The following FRMD7 variants were observed in gnomAD, a reference collection of about 807,000 sequenced individuals.
FRMD7 encodes FERM domain-containing protein 7.
FRMD7 carries 14 observed loss-of-function variants against 44.1 expected under a neutral mutation model. That is an observed-to-expected ratio of 0.32 (90% CI 0.21 to 0.50). The LOEUF (loss-of-function observed/expected upper bound fraction) is 0.50, where lower values mean the gene tolerates loss of function less well. FRMD7 is among the 20% of genes least tolerant of loss of function. The pLI is 0.99. For synonymous variants in FRMD7, 212 were observed against 187.4 expected, an observed-to-expected ratio of 1.13 and a Z score of -1.07; for missense variants, 501 against 522.3, an observed-to-expected ratio of 0.96 and a Z score of 0.40.
intron 1 of FRMD7, among the ~76,000 whole-genome samples, chrX:132,104,357 T>A (rs1928588192): frequency 9.0e-6 from 1 of 111,673 alleles, no homozygotes; most frequent in African/African-American, 3.3e-5. Flanking sequence ...AACTTCCACT[T>A]AATAATGTGC....
At chrX:132,086,673 AAC>A (rs890047200) in intron 5 of FRMD7, among the ~76,000 whole-genome samples, 3 of 110,253 alleles carry the variant, frequency 2.7e-5, no homozygotes, top group African/African-American at 1.0e-4. Context: ...AAAAAAAAAA[AAC>A]AACTGCTGAC....
chrX:132,118,424 G>GA (rs1156769171), intron 1 of FRMD7, among the ~76,000 whole-genome samples: 112 of 102,212 alleles, frequency 1.1e-3, no homozygotes, highest in African/African-American at 1.5e-3. Context: ...AGGGAAAAAA[G>GA]AAAAAAAAAA....
In FRMD7 at chrX:132,078,542, G is replaced by A. The variant is rs1927696787; in HGVS notation, c.1475C>T (p.Pro492Leu). ...GTCCACATAAAAAAAGACCTGGGGA[G>A]GCATAATACCAACCTGCTGACCTGT... is the stretch of plus-strand genomic sequence containing the variant. ...PCTGQQVGIM[P>L]PQVFFYVDKP... is the part of the protein sequence containing the mutation. Residue 492 changes from proline (P) to leucine (L), a missense_variant, in exon 12 of 12, where the codon CCT (proline) becomes CTT (leucine). Physicochemically the swap from Pro to Leu is moderately conservative, Grantham distance 98. Transcript: ENST00000298542. 4.1e-6 allele frequency: 5 copies of A among 1,209,613 alleles called. No homozygotes were observed. The highest frequency in any genetic ancestry group is 3.5e-5 in the African/African-American group (2 of 57,085).
chrX:132,083,638 C>T (rs1171448614), intron 8 of FRMD7, among the ~76,000 whole-genome samples: 1 of 112,158 alleles, frequency 8.9e-6, no homozygotes, highest in East Asian at 2.8e-4. Flanking sequence ...TTAGTTGATA[C>T]ACACTTTTTA....
intron 1 of FRMD7, among the ~76,000 whole-genome samples, chrX:132,122,573 T>G (rs1929061927): frequency 8.9e-6 from 1 of 112,169 alleles, no homozygotes. Context: ...CAAATGGTTC[T>G]AGAAATTCTA....
intron 4 of FRMD7, among the ~76,000 whole-genome samples, chrX:132,095,897 A>G (rs1226024549): frequency 1.8e-5 from 2 of 112,883 alleles, no homozygotes; most frequent in Admixed American, 1.9e-4. Context: ...CATGAAAGAA[A>G]GGGAACTTCT....
intron 1 of FRMD7, among the ~76,000 whole-genome samples, chrX:132,103,391 C>T (rs1345867712): frequency 1.8e-5 from 2 of 111,197 alleles, no homozygotes; most frequent in African/African-American, 3.3e-5. Flanking sequence ...AGCTCCTTAG[C>T]AGATCTAAAT....
chrX:132,077,984 C>T lies in FRMD7; in HGVS notation c.2033G>A (p.Arg678His), dbSNP rs755557174. 54 of 1,208,508 alleles carry T rather than the reference C, an allele frequency of 4.5e-5. No individual in the cohort carries two copies. Among genetic ancestry groups the T allele is most frequent in the Non-Finnish European group, 5.8e-5 (52 of 894,058 alleles). Residue 678 changes from arginine (R) to histidine (H), a missense_variant, in exon 12 of 12, where the codon CGC becomes CAC. Transcript: ENST00000298542. ...KEIRSPMARI[R>H]LSSGSLQLDE... is the part of the protein sequence containing the mutation. ...TAACTGTAGACTACCAGAAGACAGG[C>T]GGATTCTGGCCATGGGTGACCTTAT... is the stretch of plus-strand genomic sequence containing the variant.
chrX:132,110,733 C>A (rs756702579), intron 1 of FRMD7, among the ~76,000 whole-genome samples: 2 of 112,295 alleles, frequency 1.8e-5, no homozygotes, highest in Non-Finnish European at 3.8e-5. Context: ...CATTCCTCAC[C>A]AATGTGTGCA....
chrX:132,115,922 A>C (rs1424079931), intron 1 of FRMD7, among the ~76,000 whole-genome samples: 1 of 110,433 alleles, frequency 9.1e-6, no homozygotes, highest in African/African-American at 3.3e-5. Context: ...ACTTTGGGGA[A>C]GTCTGAGGCA....
chrX:132,092,348 T>C (rs949097720), intron 5 of FRMD7, among the ~76,000 whole-genome samples: 1 of 108,440 alleles, frequency 9.2e-6, no homozygotes, highest in Non-Finnish European at 1.9e-5. Flanking sequence ...ATTAGATGAA[T>C]GGAAAATTAG....
intron 5 of FRMD7, among the ~76,000 whole-genome samples, chrX:132,087,741 T>C (rs968487923): frequency 1.1e-4 from 12 of 111,175 alleles, no homozygotes; most frequent in Non-Finnish European, 1.9e-4. Flanking sequence ...GACAAAAACA[T>C]CATAAGAAAT....
At position 132,116,242 on chromosome X, in the gene FRMD7, G is replaced by T. The variant is rs1015354334; in HGVS notation, c.57+11546C>A. On this transcript the variant is annotated intron_variant, in intron 1 of 11. Transcript: ENST00000298542. ...CATCTATTATGTTTCAGAGTAAGCA[G>T]TAACTATTCAACAACTATTGCTTGC... Among the ~76,000 whole-genome samples the T allele has an allele frequency of 8.9e-5, 10 of 112,218 alleles. 1 individual carries two copies. The South Asian group carries it at 3.7e-3, about 42-fold the overall frequency.
At chrX:132,110,957 A>G (rs1001492118) in intron 1 of FRMD7, among the ~76,000 whole-genome samples, 37 of 112,190 alleles carry the variant, frequency 3.3e-4, no homozygotes, top group African/African-American at 1.0e-3. Flanking sequence ...GGCCAAGGCA[A>G]GAGAACTGCT....
intron 5 of FRMD7, among the ~76,000 whole-genome samples, chrX:132,091,758 C>T (rs1005881254): frequency 1.8e-4 from 20 of 110,942 alleles, no homozygotes; most frequent in Admixed American, 9.5e-5. Flanking sequence ...TCACTTGAAC[C>T]TGGGAGGTGG....
rs949020130 is a variant in FRMD7, at chrX:132,104,788, C to T, written c.58-4072G>A. Among the ~76,000 whole-genome samples, 6 of 112,382 alleles carry T rather than the reference C, an allele frequency of 5.3e-5. No homozygotes were observed. The Admixed American group carries it at 5.6e-4, about 11-fold the overall frequency. ...TCATGGCTAGTAGGTGACTCAAATACAATTGTACACTTTGACAGTGACCAA... is the reference window on the plus strand; with the variant it reads ...TCATGGCTAGTAGGTGACTCAAATATAATTGTACACTTTGACAGTGACCAA... On this transcript the variant is annotated intron_variant, in intron 1 of 11. Coordinates refer to ENST00000298542, the MANE Select transcript of FRMD7 (RefSeq NM_194277.3).
chrX:132,102,452 G>T (rs1319844301), intron 1 of FRMD7, among the ~76,000 whole-genome samples: 5 of 111,920 alleles, frequency 4.5e-5, no homozygotes. Flanking sequence ...TCCCCTGGGG[G>T]GGGTGGCACC....
At chrX:132,093,957 T>C in intron 5 of FRMD7, 85 bp downstream of exon 5, 1 of 598,340 alleles carries the variant, frequency 1.7e-6, no homozygotes, top group Non-Finnish European at 2.9e-6. Context: ...AACACAGTGA[T>C]GGGCATGTGT....
chrX:132,118,373 G>A (rs1207182315), intron 1 of FRMD7, among the ~76,000 whole-genome samples: 8 of 109,919 alleles, frequency 7.3e-5, no homozygotes, highest in Admixed American at 1.9e-4. Flanking sequence ...GCACGCAGAC[G>A]CATTGAAGAG....
Sources: allele counts gnomAD v4.1 joint callset (sites outside exome capture counted in the v4.1 genomes callset), GRCh38; gene constraint gnomAD v4.1.1; transcripts MANE v1.5; gene names NCBI Gene and HGNC (gene_info 2026-07-23, HGNC 2026-07-21).